MYH10: variants seen among roughly 807,000 people sequenced by gnomAD.
The protein encoded by MYH10 is myosin-10.
A neutral mutation model predicts 257.8 loss-of-function variants in MYH10; 55 were observed. The ratio of observed to expected loss-of-function variants is 0.21; its 90% confidence interval spans 0.17 to 0.27. The LOEUF (loss-of-function observed/expected upper bound fraction) is 0.27, where lower values mean the gene tolerates loss of function less well. Ranked by LOEUF, MYH10 falls within the 10% of genes least tolerant of loss-of-function variation. The probability of loss-of-function intolerance (pLI) is 1.00; values close to 1 mark genes in which losing one functional copy is unlikely to be tolerated. For synonymous variants in MYH10, 854 were observed against 921.7 expected (o/e 0.93, Z 1.33); for missense variants, 1,631 against 2,500.6 (o/e 0.65, Z 7.42).
chr17:8,480,585 A>G, intron 38 of MYH10, 60 bp from the exon 39 acceptor site: 1 of 1,590,942 alleles, frequency 6.3e-7, no homozygotes, highest in Non-Finnish European at 8.5e-7. Context: ...CAGGAGCCTC[A>G]GGGAAGGCTC....
At chr17:8,502,290 C>A (rs904686529) in intron 28 of MYH10, among the ~76,000 whole-genome samples, 1 of 152,150 alleles carries the variant, frequency 6.6e-6, no homozygotes. Flanking sequence ...TCGCATGTAG[C>A]CCAGCCAGAA....
intron 19 of MYH10, 89 bp downstream of exon 19, chr17:8,520,789 G>A (rs2081626627): frequency 7.1e-7 from 1 of 1,416,948 alleles, no homozygotes; most frequent in Non-Finnish European, 9.5e-7. Context: ...TAGGGGACAA[G>A]GAAAAAGATT....
At chr17:8,590,671 A>G (rs2084094227) in intron 3 of MYH10, among the ~76,000 whole-genome samples, 1 of 152,114 alleles carries the variant, frequency 6.6e-6, no homozygotes, top group Admixed American at 6.5e-5. Context: ...TGCCACAGCC[A>G]ACATTTATAG....
intron 30 of MYH10, among the ~76,000 whole-genome samples, chr17:8,495,729 T>G (rs950440697): frequency 6.6e-6 from 1 of 151,970 alleles, no homozygotes; most frequent in African/African-American, 2.4e-5. Context: ...TTTTTTTTTT[T>G]GAGATAGTCT....
intron 21 of MYH10, among the ~76,000 whole-genome samples, chr17:8,517,107 C>G (rs2151894219): frequency 6.6e-6 from 1 of 152,264 alleles, no homozygotes; most frequent in South Asian, 2.1e-4. Flanking sequence ...CGCCACTGCA[C>G]TCCAGCCTCA....
intron 2 of MYH10, among the ~76,000 whole-genome samples, chr17:8,606,097 A>G (rs2084792232): frequency 6.6e-6 from 1 of 152,278 alleles, no homozygotes; most frequent in South Asian, 2.1e-4. Context: ...GTAAATATCA[A>G]TAAACATAAG....
chr17:8,504,183 C>T lies in MYH10; in HGVS notation c.3599+511G>A, dbSNP rs2080998876. ...TGCTGGCTCATGATGCTGCATATGC[C>T]TCTGCCCACTGCACACTCTGTCCCA... On this transcript the variant is annotated intron_variant, in intron 28 of 42. Coordinates refer to ENST00000360416, the MANE Select transcript of MYH10 (RefSeq NM_001256012.3). The surrounding 1 kb of genome is among the most constrained non-coding windows in gnomAD (Gnocchi z 5.6). Among the ~76,000 whole-genome samples the T allele has an allele frequency of 6.6e-6, 1 of 152,170 alleles. No homozygotes were observed.
intron 30 of MYH10, among the ~76,000 whole-genome samples, chr17:8,498,277 C>T (rs187284801): frequency 5.9e-5 from 9 of 152,100 alleles, no homozygotes; most frequent in Admixed American, 3.3e-4. Flanking sequence ...TGAGCTACCA[C>T]GCCCGGCCCC....
chr17:8,627,438 G>A (rs2085726120), intron 1 of MYH10, among the ~76,000 whole-genome samples: 1 of 152,090 alleles, frequency 6.6e-6, no homozygotes, highest in African/African-American at 2.4e-5. Context: ...TTCTTTTCAG[G>A]TCAATGTGGC....
Position 8,492,421 on chromosome 17 carries a change from G to A in MYH10, c.4547C>T (p.Ala1516Val), listed in dbSNP as rs1234383291. ...EAEAREKETK[A>V]LSLARALEEA... ...CTCGAGGGCCCGGGCCAGTGACAGG[G>A]CTTTGGTTTCTTTCTCTCTGGCCTC... The change falls in exon 34 of 43, where the codon GCC (alanine) becomes GTC (valine). Residue 1516 changes from alanine to valine, a missense_variant. Ala to Val is a moderately conservative substitution (Grantham distance 64). This residue lies in a region of MYH10 where 463 missense variants were observed against 621.8 expected (regional missense o/e 0.74). Transcript: ENST00000360416. The A allele has an allele frequency of 1.2e-6, 2 of 1,613,144 alleles. No individual in the cohort carries two copies. Among genetic ancestry groups the A allele is most frequent in the African/African-American group, 1.3e-5 (1 of 74,936 alleles).
chr17:8,552,156 C>G lies in MYH10; in HGVS notation c.821-12G>C, dbSNP rs368420687. 7.0e-7 allele frequency: 1 copy of G among 1,436,734 alleles called. No homozygotes were observed. Among genetic ancestry groups the G allele is most frequent in the Non-Finnish European group, 9.4e-7 (1 of 1,059,360 alleles). The allele number at this position is 1,436,734 out of a possible 1,614,324, so 89.0% of individuals were successfully genotyped here. A position where few individuals can be genotyped will look rare whatever the true frequency, so the allele number is the denominator to read the frequency against. The stretch of plus-strand genomic sequence containing the variant: ...CTTTTCCAGAAGGTCTGAGCAAAGA[C>G]AGTTAAGAATTAAATTATTTAATAT... On this transcript the variant is annotated splice_polypyrimidine_tract_variant and intron_variant, in intron 8 of 42. Transcript: ENST00000360416. This position sits in a 1 kb window ranked among gnomAD's most constrained non-coding sequence, Gnocchi z 4.8.
At chr17:8,520,843 G>T in intron 19 of MYH10, 35 bp downstream of exon 19, 1 of 1,572,474 alleles carries the variant, frequency 6.4e-7, no homozygotes, top group South Asian at 1.2e-5. Context: ...GATAAACTCT[G>T]ATACATAAGC....
intron 19 of MYH10, among the ~76,000 whole-genome samples, chr17:8,519,847 A>G (rs1299098000): frequency 6.6e-6 from 1 of 150,650 alleles, no homozygotes; most frequent in Non-Finnish European, 1.5e-5. Context: ...AAAAGTAACT[A>G]TTCAAGAAAA....
chr17:8,528,521 T>C (rs2081921644), intron 17 of MYH10, among the ~76,000 whole-genome samples: 1 of 152,210 alleles, frequency 6.6e-6, no homozygotes. Context: ...TGTCCTGTGA[T>C]TTTTCTGCAA....
chr17:8,558,181 A>T (rs904092382), intron 7 of MYH10, among the ~76,000 whole-genome samples: 5 of 152,158 alleles, frequency 3.3e-5, no homozygotes, highest in Admixed American at 2.0e-4. Flanking sequence ...CCCTTCTTTG[A>T]GATAGGCTAA....
intron 30 of MYH10, 57 bp from the exon 31 acceptor site, chr17:8,495,298 G>A: frequency 9.2e-7 from 1 of 1,092,462 alleles, no homozygotes; most frequent in Non-Finnish European, 1.4e-6. Context: ...AAAGGGTCTA[G>A]AAACACAGCT....
chr17:8,499,252 C>A lies in MYH10; in HGVS notation c.3951+18G>T, dbSNP rs375075313. On this transcript the variant is annotated intron_variant, in intron 30 of 42. Coordinates refer to ENST00000360416, the MANE Select transcript of MYH10 (RefSeq NM_001256012.3). ...ATGCTACAGTGGGACGTGTGTAGAG[C>A]GGAGGTTTCTGGCTTACCTGCAGCT... 7 of 1,610,434 alleles carry A rather than the reference C, an allele frequency of 4.3e-6. No individual in the cohort carries two copies. In the African/African-American group the frequency reaches 9.3e-5, roughly 21 times the overall value.
At chr17:8,487,199 C>T (rs1266869216) in intron 36 of MYH10, among the ~76,000 whole-genome samples, 1 of 152,232 alleles carries the variant, frequency 6.6e-6, no homozygotes, top group Admixed American at 6.5e-5. Context: ...GCCACAGGCT[C>T]TCAGGGCCAC....
chr17:8,610,719 T>C (rs1251239046), intron 2 of MYH10, among the ~76,000 whole-genome samples: 1 of 152,190 alleles, frequency 6.6e-6, no homozygotes, highest in Admixed American at 6.5e-5. Context: ...CCTTCTCCCA[T>C]GGAATGATGC....
Sources: gnomAD v4.1 joint callset for allele counts (sites outside exome capture counted in the v4.1 genomes callset) on GRCh38, gnomAD v4.1.1 for gene constraint, gnomAD v4.1.1 regional missense constraint, Gnocchi (gnomAD v3.1) non-coding constraint, MANE v1.5 for transcripts, NCBI Gene and HGNC (gene_info 2026-07-23, HGNC 2026-07-21) for gene names.